ATE1: variants seen among roughly 807,000 people sequenced by gnomAD.
The protein encoded by ATE1 is arginyltransferase 1.
Under a neutral mutation model 70.5 loss-of-function variants are expected in ATE1, and 36 were observed. The observed-to-expected ratio is 0.51, with a 90% CI of 0.39 to 0.67. ATE1 has a LOEUF of 0.67. ATE1 is among the 30% of genes least tolerant of loss of function. The probability of loss-of-function intolerance (pLI) is 0.00; values close to 1 mark genes in which losing one functional copy is unlikely to be tolerated. For synonymous variants in ATE1, 232 were observed against 219.3 expected (o/e 1.06, Z -0.51); for missense variants, 593 against 629.5 (o/e 0.94, Z 0.62).
intron 9 of ATE1, among the ~76,000 whole-genome samples, chr10:121,837,703 C>T (rs143119469): frequency 5.9e-4 from 89 of 152,098 alleles, no homozygotes; most frequent in African/African-American, 2.0e-3. Context: ...GAATTATTAC[C>T]GTAAGAATTC....
chr10:121,852,272 A>G, intron 8 of ATE1, among the ~76,000 whole-genome samples: 1 of 152,262 alleles, frequency 6.6e-6, no homozygotes, highest in Non-Finnish European at 1.5e-5. Flanking sequence ...AAAATCTATG[A>G]TGAGACAATT....
chr10:121,874,551 T>C (rs1291439423), intron 7 of ATE1, among the ~76,000 whole-genome samples: 3 of 146,752 alleles, frequency 2.0e-5, no homozygotes, highest in East Asian at 1.9e-4. Context: ...TTTAACCTAT[T>C]AGTGGGGAGT....
At chr10:121,815,772 C>T (rs1432376572) in intron 10 of ATE1, among the ~76,000 whole-genome samples, 1 of 152,220 alleles carries the variant, frequency 6.6e-6, no homozygotes, top group Non-Finnish European at 1.5e-5. Flanking sequence ...TAATGCCCTA[C>T]AGACTTCGAC....
chr10:121,897,541 G>A (rs1278972553), intron 7 of ATE1, among the ~76,000 whole-genome samples: 1 of 152,112 alleles, frequency 6.6e-6, no homozygotes, highest in Non-Finnish European at 1.5e-5. Context: ...TTAAGATGTA[G>A]ATTCTGGCCG....
At position 121,910,889 on chromosome 10, in the gene ATE1, T is replaced by C; in HGVS notation, c.583+17A>G. The C allele has an allele frequency of 6.2e-7, 1 of 1,612,754 alleles. No homozygotes were observed. The highest frequency in any genetic ancestry group is 8.5e-7 in the Non-Finnish European group (1 of 1,179,832). On this transcript the variant is annotated intron_variant, in intron 5 of 11. Transcript: ENST00000224652. ...GCAAAGCCGTGAATATGACTTGGTA[T>C]CAAAAATCTTTACTACCTGGCTTAG...
chr10:121,829,953 A>G (rs2133686477), intron 10 of ATE1, among the ~76,000 whole-genome samples: 1 of 152,344 alleles, frequency 6.6e-6, no homozygotes, highest in East Asian at 1.9e-4. Context: ...GAGAGATTTT[A>G]CAATAGTGTG....
chr10:121,762,042 C>T (rs1590229259), intron 11 of ATE1, among the ~76,000 whole-genome samples: 1 of 152,196 alleles, frequency 6.6e-6, no homozygotes, highest in East Asian at 1.9e-4. Context: ...GTCACCTTCA[C>T]TCTGTTCACT....
intron 11 of ATE1, among the ~76,000 whole-genome samples, chr10:121,788,527 A>AT (rs1394016348): frequency 1.3e-5 from 2 of 152,116 alleles, no homozygotes; most frequent in Non-Finnish European, 2.9e-5. Flanking sequence ...ACATGGGCCA[A>AT]TTTTTTTACA....
intron 11 of ATE1, among the ~76,000 whole-genome samples, chr10:121,777,749 T>C (rs1945807700): frequency 6.6e-6 from 1 of 152,238 alleles, no homozygotes; most frequent in Non-Finnish European, 1.5e-5. Flanking sequence ...AAATAACTGA[T>C]TTAGACTTGT....
chr10:121,915,576 T>C (rs1411436332), intron 3 of ATE1, among the ~76,000 whole-genome samples: 2 of 152,106 alleles, frequency 1.3e-5, no homozygotes, highest in African/African-American at 2.4e-5. Flanking sequence ...CTATGAAATG[T>C]AGAACAGAGG....
At chr10:121,778,115 G>A (rs1945821703) in intron 11 of ATE1, among the ~76,000 whole-genome samples, 1 of 152,166 alleles carries the variant, frequency 6.6e-6, no homozygotes, top group South Asian at 2.1e-4. Context: ...TCCTGCAAAG[G>A]AAAATCATGC....
At chr10:121,819,508 T>A (rs1259953934) in intron 10 of ATE1, among the ~76,000 whole-genome samples, 2 of 150,944 alleles carry the variant, frequency 1.3e-5, no homozygotes, top group Non-Finnish European at 3.0e-5. Context: ...ATCGAGACCA[T>A]CCTGGCTAAC....
intron 11 of ATE1, among the ~76,000 whole-genome samples, chr10:121,788,351 G>A (rs1946297239): frequency 6.6e-6 from 1 of 152,148 alleles, no homozygotes; most frequent in Non-Finnish European, 1.5e-5. Context: ...GTTATTCTAG[G>A]AAACCTAAAC....
intron 10 of ATE1, among the ~76,000 whole-genome samples, chr10:121,817,070 A>T (rs1476681530): frequency 6.6e-6 from 1 of 152,150 alleles, no homozygotes. Flanking sequence ...TTTCATTAAT[A>T]TTGCCAAAAT....
intron 10 of ATE1, among the ~76,000 whole-genome samples, chr10:121,824,838 A>G (rs1412169703): frequency 6.6e-6 from 1 of 152,116 alleles, no homozygotes; most frequent in Non-Finnish European, 1.5e-5. Flanking sequence ...ATATACTCTA[A>G]TTTTCATTTT....
At chr10:121,774,929 A>G (rs1031502419) in intron 11 of ATE1, among the ~76,000 whole-genome samples, 3 of 152,244 alleles carry the variant, frequency 2.0e-5, no homozygotes, top group African/African-American at 7.2e-5. Flanking sequence ...TACAAAATGA[A>G]TAAGCACGGT....
intron 10 of ATE1, among the ~76,000 whole-genome samples, chr10:121,793,460 T>C (rs1946534274): frequency 4.6e-5 from 7 of 152,188 alleles, no homozygotes; most frequent in Admixed American, 4.6e-4. Flanking sequence ...ACAGAAGTTG[T>C]GCCATTTTAC....
At chr10:121,747,094 C>T (rs1944402510) in intron 11 of ATE1, among the ~76,000 whole-genome samples, 1 of 152,220 alleles carries the variant, frequency 6.6e-6, no homozygotes, top group Admixed American at 6.5e-5. Flanking sequence ...CACTGACAAA[C>T]AGCTTGGGAT....
chr10:121,833,900 A>T (rs1246601563), intron 10 of ATE1, among the ~76,000 whole-genome samples: 2 of 152,210 alleles, frequency 1.3e-5, no homozygotes, highest in Admixed American at 6.5e-5. Flanking sequence ...GTCTGACTTC[A>T]TATCAGAATC....
Sources: allele counts gnomAD v4.1 joint callset (sites outside exome capture counted in the v4.1 genomes callset), GRCh38; gene constraint gnomAD v4.1.1; transcripts MANE v1.5; gene names NCBI Gene and HGNC (gene_info 2026-07-23, HGNC 2026-07-21).